Variants in XDH observed in about 807,000 individuals in gnomAD.
The protein encoded by XDH is xanthine dehydrogenase.
Under a neutral mutation model 156.1 loss-of-function variants are expected in XDH, and 138 were observed. That is an observed-to-expected ratio of 0.88 (90% CI 0.77 to 1.02). The LOEUF (loss-of-function observed/expected upper bound fraction) is 1.02. Among genes scored for constraint, XDH ranks in the 50% least tolerant of loss-of-function variants. XDH has a pLI of 0.00. For missense variants in XDH, 1,849 were observed against 1,684.9 expected (o/e 1.10, Z -1.71); for synonymous variants, 669 against 625.7 (o/e 1.07, Z -1.03).
rs750238011 is a variant in XDH, at chr2:31,381,669, T to C, written c.1096A>G (p.Met366Val). 2 of 1,614,108 alleles carry C rather than the reference T, an allele frequency of 1.2e-6. No individual in the cohort carries two copies. Among genetic ancestry groups the C allele is most frequent in the Non-Finnish European group, 1.7e-6 (2 of 1,180,004 alleles). Residue 366 changes from methionine (M) to valine (V), a missense_variant, in exon 12 of 36, where the codon ATG (methionine) becomes GTG (valine). By Grantham distance (21) the Met-to-Val change is conservative. Transcript: ENST00000379416. ...AGTGTCAGCTTGGCCCCACTGGCCA[T>C]GAACACGGGGTTGAGGTCGGAGATG... Reference protein sequence around the residue: ...SPISDLNPVFMASGAKLTLVS... With the variant: ...SPISDLNPVFVASGAKLTLVS...
chr2:31,358,439 G>C (rs1355992941), intron 24 of XDH, among the ~76,000 whole-genome samples: 1 of 151,996 alleles, frequency 6.6e-6, no homozygotes, highest in Non-Finnish European at 1.5e-5. Flanking sequence ...ACCAAACCCT[G>C]ACCAAGATGG....
Position 31,377,140 on chromosome 2 carries a change from G to C in XDH, c.1340C>G (p.Thr447Arg). 1 of 1,614,178 alleles carries C rather than the reference G, an allele frequency of 6.2e-7. No homozygotes were observed. Residue 447 changes from threonine to arginine, a missense_variant, in exon 14 of 36, where the codon ACA becomes AGA. Physicochemically the swap from Thr to Arg is moderately conservative, Grantham distance 71. Coordinates refer to ENST00000379416, the MANE Select transcript of XDH (RefSeq NM_000379.4). The stretch of plus-strand genomic sequence containing the variant: ...GCAAAGGGCCAGCTCCTGTACCTCT[G>C]TGGTTCCTGGCTTGAATAAAACTCT... The part of the protein sequence containing the change: ...GMRVLFKPGT[T>R]EVQELALCYG...
At chr2:31,389,811 T>C (rs1046044833) in intron 6 of XDH, among the ~76,000 whole-genome samples, 2 of 151,962 alleles carry the variant, frequency 1.3e-5, no homozygotes, top group Non-Finnish European at 2.9e-5. Flanking sequence ...CCTACTTTAC[T>C]AAATAGGCTA....
rs45522739 is a variant in XDH, at chr2:31,370,586, A to C, written c.1857-108T>G. 1,740 of 1,393,734 alleles carry C rather than the reference A, an allele frequency of 1.2e-3. 16 individuals carry two copies. In the African/African-American group the frequency reaches 0.022, roughly 18 times the overall value. The allele number at this position is 1,393,734 out of a possible 1,614,324, so 86.3% of individuals were successfully genotyped here. A position where few individuals can be genotyped will look rare whatever the true frequency, so the allele number is the denominator to read the frequency against. ...TTTTGATTGGCTTGGCTCCATCCTA[A>C]TTCCTCGATTCTCTGCTTCTTTTCT... On this transcript the variant is annotated intron_variant, in intron 17 of 35. Transcript: ENST00000379416.
At chr2:31,336,079 T>C in intron 35 of XDH, 71 bp from the exon 36 acceptor site, 1 of 1,512,332 alleles carries the variant, frequency 6.6e-7, no homozygotes, top group Non-Finnish European at 9.2e-7. Flanking sequence ...CTTGCATACC[T>C]CACCTCCCAC....
chr2:31,400,919 T>A (rs1431191102), intron 4 of XDH, among the ~76,000 whole-genome samples: 4 of 152,206 alleles, frequency 2.6e-5, no homozygotes, highest in African/African-American at 9.6e-5. Context: ...CTCTTCTGCA[T>A]CCCTTCCTCC....
At chr2:31,350,468 C>T (rs1420146380) in intron 24 of XDH, among the ~76,000 whole-genome samples, 1 of 146,336 alleles carries the variant, frequency 6.8e-6, no homozygotes, top group African/African-American at 2.5e-5. Flanking sequence ...ACTCCTACTC[C>T]CTGGTTCAAG....
chr2:31,336,407 G>A (rs1293305911), intron 35 of XDH, among the ~76,000 whole-genome samples: 2 of 152,104 alleles, frequency 1.3e-5, no homozygotes, highest in Admixed American at 6.5e-5. Context: ...GAGAGCTTAC[G>A]AAAATGACTG....
chr2:31,339,824 T>C, intron 33 of XDH, 147 bp from the exon 34 acceptor site: 1 of 1,070,062 alleles, frequency 9.3e-7, no homozygotes, highest in Middle Eastern at 2.7e-4. Context: ...GGCTCCCGCC[T>C]CAGCCCTGGG....
chr2:31,409,428 C>T (rs1687283243), intron 1 of XDH, among the ~76,000 whole-genome samples: 1 of 151,920 alleles, frequency 6.6e-6, no homozygotes, highest in Non-Finnish European at 1.5e-5. Flanking sequence ...TACTATGTAC[C>T]CCCAAAAATT....
rs186755973 is a variant in XDH, at chr2:31,356,808, A to G, written c.2632-6585T>C. Among the ~76,000 whole-genome samples the G allele has an allele frequency of 1.7e-4, 26 of 152,344 alleles. No homozygotes were observed. The East Asian group carries it at 5.0e-3, about 29-fold the overall frequency. ...CTTAGGTGCCCGTGGAACTTGTATC[A>G]AAACAGACCATGTCCTGGGCCATGA... is the stretch of plus-strand genomic sequence containing the variant. On this transcript the variant is annotated intron_variant, in intron 24 of 35. Transcript: ENST00000379416.
intron 11 of XDH, among the ~76,000 whole-genome samples, chr2:31,382,260 G>A (rs897624930): frequency 1.3e-5 from 2 of 152,156 alleles, no homozygotes; most frequent in African/African-American, 2.4e-5. Context: ...AGCAGAACTA[G>A]GGAACTCAGC....
chr2:31,410,572 C>A (rs61706447), intron 1 of XDH, among the ~76,000 whole-genome samples: 2 of 151,830 alleles, frequency 1.3e-5, no homozygotes, highest in African/African-American at 2.4e-5. Flanking sequence ...AGCCAAGTCA[C>A]CAAAGTTCGC....
chr2:31,343,000 G>T (rs1395160266), intron 31 of XDH, among the ~76,000 whole-genome samples: 3 of 151,852 alleles, frequency 2.0e-5, no homozygotes, highest in Non-Finnish European at 2.9e-5. Flanking sequence ...ACAGTACACT[G>T]ACTCTGTGTT....
intron 35 of XDH, among the ~76,000 whole-genome samples, chr2:31,336,242 T>C (rs1572504569): frequency 6.6e-6 from 1 of 152,270 alleles, no homozygotes; most frequent in East Asian, 1.9e-4. Flanking sequence ...TTTGGAGATA[T>C]GGTGACAAAC....
Position 31,368,618 on chromosome 2 carries a change from T to C in XDH, c.2023A>G (p.Thr675Ala), listed in dbSNP as rs1572535021. ...GHIIGAVVAD[T>A]PEHTQRAAQG... ...GCAGCTCTCTGTGTGTGTTCCGGGG[T>C]GTCAGCAACCACAGCACCAATGATA... Residue 675 changes from threonine (T) to alanine (A), a missense_variant, in exon 19 of 36, where the codon ACC (threonine) becomes GCC (alanine). Coordinates refer to ENST00000379416, the MANE Select transcript of XDH (RefSeq NM_000379.4). 1.2e-6 allele frequency: 2 copies of C among 1,614,160 alleles called. No homozygotes were observed. The highest frequency in any genetic ancestry group is 4.5e-5 in the East Asian group (2 of 44,884).
At chr2:31,414,371 TCA>T (rs1037303037) in intron 1 of XDH, among the ~76,000 whole-genome samples, 14 of 151,856 alleles carry the variant, frequency 9.2e-5, no homozygotes, top group Non-Finnish European at 1.6e-4. Context: ...GGCAGCTAGC[TCA>T]CAGATGCCTC....
rs1010749748 is a variant in XDH at position 31,368,040 on chromosome 2, G to C, written c.2118C>G (p.Asn706Lys). ...TCTTCAGCTCAGGTCCATAAAAGGA[G>C]TTGTTCTTTATAGCATCCTGAGGAT... ...IITIEDAIKN[N>K]SFYGPELKIE... The change falls in exon 20 of 36, where the codon AAC (asparagine) becomes AAG (lysine). Residue 706 changes from asparagine to lysine, a missense_variant. Transcript: ENST00000379416. The C allele has an allele frequency of 6.2e-7, 1 of 1,614,156 alleles. No individual in the cohort carries two copies. The highest frequency in any genetic ancestry group is 8.5e-7 in the Non-Finnish European group (1 of 1,179,984).
chr2:31,359,370 AC>A (rs1685713416), intron 24 of XDH, among the ~76,000 whole-genome samples: 1 of 150,404 alleles, frequency 6.6e-6, no homozygotes, highest in African/African-American at 2.5e-5. Flanking sequence ...CAAAACAAAA[AC>A]CAAAAAAAAA....
Sources: allele counts gnomAD v4.1 joint callset (sites outside exome capture counted in the v4.1 genomes callset), GRCh38; gene constraint gnomAD v4.1.1; transcripts MANE v1.5; gene names NCBI Gene and HGNC (gene_info 2026-07-23, HGNC 2026-07-21).